Variants in MCPH1 observed in about 807,000 individuals in gnomAD.
The protein encoded by MCPH1 is microcephalin 1.
A neutral mutation model predicts 84.5 loss-of-function variants in MCPH1; 104 were observed. The observed-to-expected ratio is 1.23, with a 90% CI of 1.05 to 1.45. The LOEUF (loss-of-function observed/expected upper bound fraction) is 1.45. Ranked by LOEUF, MCPH1 falls within the 40% of genes most tolerant of loss-of-function variation. The pLI, the probability that MCPH1 is intolerant of heterozygous loss-of-function variation, is 0.00. For synonymous variants in MCPH1, 514 were observed against 366.8 expected (o/e 1.40, Z -4.58); for missense variants, 1,498 against 1,005.7 (o/e 1.49, Z -6.62).
chr8:6,600,320 C>G (rs956465885), intron 12 of MCPH1, among the ~76,000 whole-genome samples: 2 of 152,376 alleles, frequency 1.3e-5, no homozygotes, highest in South Asian at 2.1e-4. Flanking sequence ...GATGCCAGAC[C>G]TTCTCTAGCT....
Position 6,643,007 on chromosome 8 carries a change from G to C in MCPH1, c.2466G>C (p.Gln822His). ...SEKWVLDSIT[Q>H]HKVCAPENYL... ...CTCTCTCTCTAGATTCCATCACCCA[G>C]CACAAGGTCTGTGCCCCTGAAAACT... Residue 822 changes from glutamine to histidine, a missense_variant, in exon 14 of 14, where the codon CAG becomes CAC. Coordinates refer to ENST00000344683, the MANE Select transcript of MCPH1 (RefSeq NM_024596.5). The C allele has an allele frequency of 6.2e-7, 1 of 1,614,056 alleles. No homozygotes were observed. Among genetic ancestry groups the C allele is most frequent in the East Asian group, 2.2e-5 (1 of 44,880 alleles).
At chr8:6,599,161 T>G (rs1299860197) in intron 12 of MCPH1, among the ~76,000 whole-genome samples, 1 of 152,218 alleles carries the variant, frequency 6.6e-6, no homozygotes, top group East Asian at 1.9e-4. Flanking sequence ...CTTCCTAATC[T>G]CAGTATCTTA....
chr8:6,600,376 TGGA>T (rs1368491764), intron 12 of MCPH1, among the ~76,000 whole-genome samples: 1 of 152,174 alleles, frequency 6.6e-6, no homozygotes, highest in Non-Finnish European at 1.5e-5. Flanking sequence ...AGCGCACAGG[TGGA>T]GGTGTAACTG....
At chr8:6,414,650 T>C (rs776806637) in intron 2 of MCPH1, 115 bp from the exon 3 acceptor site, 7 of 1,134,896 alleles carry the variant, frequency 6.2e-6, no homozygotes, top group African/African-American at 1.5e-5. Flanking sequence ...CCTTTGAGTG[T>C]TTCTCTGTCA....
At chr8:6,493,089 G>A (rs1810834498) in intron 11 of MCPH1, among the ~76,000 whole-genome samples, 1 of 152,120 alleles carries the variant, frequency 6.6e-6, no homozygotes, top group Admixed American at 6.5e-5. Flanking sequence ...TAGTTGCATT[G>A]GAATTTGTTA....
At chr8:6,476,443 AAAG>A (rs1195029036) in intron 9 of MCPH1, among the ~76,000 whole-genome samples, 9 of 152,062 alleles carry the variant, frequency 5.9e-5, no homozygotes, top group Middle Eastern at 3.4e-3. Flanking sequence ...AAAAAAAAAA[AAAG>A]AAGAAGAAAA....
chr8:6,484,559 A>G (rs1392768566), intron 11 of MCPH1, among the ~76,000 whole-genome samples: 1 of 152,220 alleles, frequency 6.6e-6, no homozygotes, highest in African/African-American at 2.4e-5. Flanking sequence ...GTTCACACAG[A>G]GTCTGTACGC....
chr8:6,518,317 A>G (rs1028591769), intron 12 of MCPH1, among the ~76,000 whole-genome samples: 6 of 152,364 alleles, frequency 3.9e-5, no homozygotes, highest in Non-Finnish European at 5.9e-5. Context: ...CATGAAAACC[A>G]GATAGCAAAA....
At chr8:6,553,687 C>G (rs918570085) in intron 12 of MCPH1, among the ~76,000 whole-genome samples, 1 of 148,330 alleles carries the variant, frequency 6.7e-6, no homozygotes, top group African/African-American at 2.5e-5. Flanking sequence ...TTTTTTACCT[C>G]TCCCCTTTTC....
At chr8:6,507,255 T>C (rs991059438) in intron 12 of MCPH1, among the ~76,000 whole-genome samples, 1 of 152,196 alleles carries the variant, frequency 6.6e-6, no homozygotes, top group Non-Finnish European at 1.5e-5. Context: ...ATTTGTTTAA[T>C]GTAGTAACTT....
At chr8:6,430,898 C>G (rs916581150) in intron 3 of MCPH1, among the ~76,000 whole-genome samples, 3 of 152,104 alleles carry the variant, frequency 2.0e-5, no homozygotes, top group African/African-American at 7.2e-5. Context: ...ACTTGAGTGA[C>G]AGAATGCTAA....
In MCPH1 at chr8:6,491,641, A is replaced by G. The variant is rs544319002; in HGVS notation, c.2137-8211A>G. ...CCCTCCCCACTCCCCCGACCCCACA[A>G]CAGGCCCTGGTGTGTGATGTTCCCC... On this transcript the variant is annotated intron_variant, in intron 11 of 13. Coordinates refer to ENST00000344683, the MANE Select transcript of MCPH1 (RefSeq NM_024596.5). 8.6e-5 allele frequency among the ~76,000 whole-genome samples: 13 copies of G among 151,608 alleles called. No individual in the cohort carries two copies. In the South Asian group the frequency reaches 2.5e-3, roughly 29 times the overall value.
chr8:6,461,132 G>A (rs748320511), intron 9 of MCPH1, among the ~76,000 whole-genome samples: 30 of 151,928 alleles, frequency 2.0e-4, no homozygotes, highest in Non-Finnish European at 1.0e-4. Flanking sequence ...CATTAATTCA[G>A]TTTCTCTTAA....
intron 3 of MCPH1, among the ~76,000 whole-genome samples, chr8:6,417,227 C>T (rs74432578): frequency 2.9e-3 from 448 of 152,186 alleles, no homozygotes; most frequent in African/African-American, 0.01. Flanking sequence ...AGCTGTATAT[C>T]TTTTTCTAAT....
At position 6,622,872 on chromosome 8, in the gene MCPH1, G is replaced by A. The variant is rs183029188; in HGVS notation, c.2452+1181G>A. Among the ~76,000 whole-genome samples the A allele has an allele frequency of 2.2e-3, 341 of 152,168 alleles. 1 individual carries two copies. Among genetic ancestry groups the A allele is most frequent in the African/African-American group, 3.5e-3 (147 of 41,498 alleles). On this transcript the variant is annotated intron_variant, in intron 13 of 13. Coordinates refer to ENST00000344683, the MANE Select transcript of MCPH1 (RefSeq NM_024596.5). Reference sequence around the variant, plus strand: ...ATTTATTTTTTTGAAACAGTGTCTCGCTCTGTCACCCAGGATGGAGTGCAG... The same window carrying A: ...ATTTATTTTTTTGAAACAGTGTCTCACTCTGTCACCCAGGATGGAGTGCAG...
intron 12 of MCPH1, among the ~76,000 whole-genome samples, chr8:6,530,966 T>C (rs1201751370): frequency 6.6e-6 from 1 of 152,028 alleles, no homozygotes; most frequent in Non-Finnish European, 1.5e-5. Context: ...TTAGGAATAA[T>C]ATGGAGTGGG....
intron 12 of MCPH1, among the ~76,000 whole-genome samples, chr8:6,552,293 G>A (rs977466953): frequency 6.6e-6 from 1 of 152,196 alleles, no homozygotes; most frequent in Non-Finnish European, 1.5e-5. Flanking sequence ...TACATATGAC[G>A]ATGGAATGTG....
chr8:6,424,430 C>A (rs1053138786), intron 3 of MCPH1, among the ~76,000 whole-genome samples: 2 of 152,176 alleles, frequency 1.3e-5, no homozygotes, highest in Non-Finnish European at 2.9e-5. Flanking sequence ...ACAACACAGG[C>A]CGACATTAGG....
At chr8:6,498,817 G>C (rs1455086238) in intron 11 of MCPH1, among the ~76,000 whole-genome samples, 1 of 152,072 alleles carries the variant, frequency 6.6e-6, no homozygotes, top group East Asian at 1.9e-4. Flanking sequence ...TTGAGGCTGA[G>C]GTCAGCAGAT....
Sources: gnomAD v4.1 joint callset for allele counts (sites outside exome capture counted in the v4.1 genomes callset) on GRCh38, gnomAD v4.1.1 for gene constraint, MANE v1.5 for transcripts, NCBI Gene and HGNC (gene_info 2026-07-23, HGNC 2026-07-21) for gene names.